NLK: variants seen among roughly 807,000 people sequenced by gnomAD.
NLK encodes the protein serine/threonine-protein kinase NLK.
In NLK, 11 loss-of-function variants were observed where a neutral mutation model predicts 59.0. That is an observed-to-expected ratio of 0.19 (90% CI 0.12 to 0.31). The LOEUF is 0.31. Among genes scored for constraint, NLK ranks in the 10% least tolerant of loss-of-function variants. The pLI is 1.00. For synonymous variants in NLK, 235 were observed against 235.9 expected (o/e 1.00, Z 0.03); for missense variants, 410 against 661.1 (o/e 0.62, Z 4.16).
chr17:28,118,682 T>C (rs1905887946), intron 1 of NLK, among the ~76,000 whole-genome samples: 1 of 152,200 alleles, frequency 6.6e-6, no homozygotes, highest in South Asian at 2.1e-4. Context: ...GCTTCCTGTT[T>C]TGTTATTGTA....
chr17:28,181,690 T>G (rs1908911992), intron 7 of NLK, among the ~76,000 whole-genome samples: 1 of 152,096 alleles, frequency 6.6e-6, no homozygotes, highest in Non-Finnish European at 1.5e-5. Context: ...ATATGTAACT[T>G]TTTTATCCAG....
chr17:28,189,702 G>A (rs562887531), intron 8 of NLK, among the ~76,000 whole-genome samples: 1 of 152,192 alleles, frequency 6.6e-6, no homozygotes, highest in Admixed American at 6.5e-5. Flanking sequence ...CTATCCCAGT[G>A]GAATCTCTAG....
chr17:28,143,853 G>A (rs1907119593), intron 3 of NLK, among the ~76,000 whole-genome samples: 1 of 152,166 alleles, frequency 6.6e-6, no homozygotes, highest in Non-Finnish European at 1.5e-5. Context: ...AACTTGAACT[G>A]TCCACAATGG....
At chr17:28,109,397 T>C (rs1284692691) in intron 1 of NLK, among the ~76,000 whole-genome samples, 1 of 152,210 alleles carries the variant, frequency 6.6e-6, no homozygotes, top group Admixed American at 6.5e-5. Context: ...ATAATTTATA[T>C]ACCATCAAAT....
intron 3 of NLK, among the ~76,000 whole-genome samples, chr17:28,159,465 C>T (rs1201462838): frequency 1.3e-5 from 2 of 151,876 alleles, no homozygotes; most frequent in Admixed American, 1.3e-4. Flanking sequence ...GCGTAATTTT[C>T]TGTGTTTGAA....
chr17:28,203,522 CCTGTTGATCTTTCTTT>C, the NLK span, among the ~76,000 whole-genome samples: 2 of 152,054 alleles, frequency 1.3e-5, no homozygotes, highest in Non-Finnish European at 2.9e-5. Context: ...CAGCACTTCC[CCTGTTGATCTTTCTTT>C]CTTTTTTTTA....
chr17:28,113,321 A>G (rs1460001430), intron 1 of NLK, among the ~76,000 whole-genome samples: 1 of 152,206 alleles, frequency 6.6e-6, no homozygotes, highest in Non-Finnish European at 1.5e-5. Context: ...GATCTCACAC[A>G]AGAAAAAATT....
At position 28,194,729 on chromosome 17, in the gene NLK, A is replaced by G; in HGVS notation, c.*93A>G. 1 of 703,612 alleles carries G rather than the reference A, an allele frequency of 1.4e-6. No individual in the cohort carries two copies. The allele number at this position is 703,612 out of a possible 1,614,324, so 43.6% of individuals were successfully genotyped here. A position where few individuals can be genotyped will look rare whatever the true frequency, so the allele number is the denominator to read the frequency against. ...TGGAGGTTAATCATGCTTGTACTGT[A>G]ATTTTACTAATGAAGTTTTAAATTA... On this transcript the variant is annotated 3_prime_UTR_variant, in exon 11 of 11. Coordinates refer to ENST00000407008, the MANE Select transcript of NLK (RefSeq NM_016231.5).
intron 1 of NLK, among the ~76,000 whole-genome samples, chr17:28,117,743 T>C (rs1275345443): frequency 6.6e-6 from 1 of 152,170 alleles, no homozygotes; most frequent in African/African-American, 2.4e-5. Flanking sequence ...AGGATCTCTT[T>C]CTTATGCATA....
At chr17:28,161,029 C>T in intron 3 of NLK, 131 bp from the exon 4 acceptor site, 1 of 556,340 alleles carries the variant, frequency 1.8e-6, no homozygotes, top group Non-Finnish European at 3.2e-6. Flanking sequence ...TCACCTCTGT[C>T]ACGCTGTCTA....
intron 1 of NLK, among the ~76,000 whole-genome samples, chr17:28,068,511 C>T (rs1390098702): frequency 3.3e-5 from 5 of 152,164 alleles, no homozygotes; most frequent in East Asian, 3.9e-4. Flanking sequence ...ATGTGGTTTG[C>T]GTGATTGATA....
chr17:28,045,278 A>G (rs553635460), intron 1 of NLK, among the ~76,000 whole-genome samples: 6 of 152,312 alleles, frequency 3.9e-5, no homozygotes, highest in Non-Finnish European at 8.8e-5. Flanking sequence ...AGGATTGTCT[A>G]CTGTAGTAAT....
Position 28,116,767 on chromosome 17 carries a change from C to G in NLK, c.459-5836C>G, listed in dbSNP as rs35318800. 6.5e-3 allele frequency among the ~76,000 whole-genome samples: 996 copies of G among 152,224 alleles called. 16 individuals are homozygous for G. Among genetic ancestry groups the G allele is most frequent in the African/African-American group, 0.022 (930 of 41,538 alleles). On this transcript the variant is annotated intron_variant, in intron 1 of 10. Transcript: ENST00000407008. ...CCATTTGTTAAATATAAATTTTTTT[C>G]TAGTCCTCAATGTTCCTATTACTGA... is the stretch of plus-strand genomic sequence containing the variant.
At chr17:28,081,354 T>A (rs906358726) in intron 1 of NLK, among the ~76,000 whole-genome samples, 18 of 147,924 alleles carry the variant, frequency 1.2e-4, no homozygotes, top group Admixed American at 6.0e-4. Flanking sequence ...CCAGCTAATT[T>A]AAAAAAAAAA....
At chr17:28,059,857 G>A (rs1372013241) in intron 1 of NLK, among the ~76,000 whole-genome samples, 1 of 152,140 alleles carries the variant, frequency 6.6e-6, no homozygotes, top group Non-Finnish European at 1.5e-5. Flanking sequence ...ATATGCACTA[G>A]CACGCCCTTA....
In NLK at chr17:28,046,263, T is replaced by C. The variant is rs975875396; in HGVS notation, c.458+2932T>C. On this transcript the variant is annotated intron_variant, in intron 1 of 10. Coordinates refer to ENST00000407008, the MANE Select transcript of NLK (RefSeq NM_016231.5). ...TGAATTTAACTAGTGGAATAACTTA[T>C]CAGTATTGGACAGTTGTGTAAAAGT... Among the ~76,000 whole-genome samples the C allele has an allele frequency of 4.6e-5, 7 of 152,364 alleles. No individual in the cohort carries two copies. In the South Asian group the frequency reaches 1.2e-3, roughly 27 times the overall value.
downstream of NLK, among the ~76,000 whole-genome samples, chr17:28,196,537 T>A (rs374256563): frequency 2.6e-5 from 4 of 152,360 alleles, no homozygotes; most frequent in Non-Finnish European, 2.9e-5. Flanking sequence ...TCAAAAACTT[T>A]AGATTGACAA....
At chr17:28,172,645 G>A in intron 7 of NLK, 27 bp downstream of exon 7, 1 of 1,329,094 alleles carries the variant, frequency 7.5e-7, no homozygotes, top group South Asian at 1.6e-5. Context: ...ATCTTTTTCT[G>A]GTAACCATCT....
At chr17:28,064,087 G>A (rs1909751784) in intron 1 of NLK, among the ~76,000 whole-genome samples, 1 of 151,392 alleles carries the variant, frequency 6.6e-6, no homozygotes, top group Admixed American at 6.6e-5. Context: ...CAAATTTGCT[G>A]ATCAGAGGAA....
Sources: gnomAD v4.1 joint callset for allele counts (sites outside exome capture counted in the v4.1 genomes callset) on GRCh38, gnomAD v4.1.1 for gene constraint, MANE v1.5 for transcripts, NCBI Gene and HGNC (gene_info 2026-07-23, HGNC 2026-07-21) for gene names.